Variants in RAB11FIP4 observed in about 807,000 individuals in gnomAD.
The protein encoded by RAB11FIP4 is rab11 family-interacting protein 4.
In RAB11FIP4, 23 loss-of-function variants were observed where a neutral mutation model predicts 74.3. The ratio of observed to expected loss-of-function variants is 0.31; its 90% confidence interval spans 0.22 to 0.44. The LOEUF (loss-of-function observed/expected upper bound fraction) is 0.44, where lower values mean the gene tolerates loss of function less well. Among genes scored for constraint, RAB11FIP4 ranks in the 20% least tolerant of loss-of-function variants. The pLI is 1.00. For missense variants in RAB11FIP4, 630 were observed against 863.9 expected (o/e 0.73, Z 3.39); for synonymous variants, 360 against 359.9 (o/e 1.00, Z 0.00).
At chr17:31,517,192 G>A (rs1431091680) in intron 3 of RAB11FIP4, among the ~76,000 whole-genome samples, 1 of 27,420 alleles carries the variant, frequency 3.6e-5, no homozygotes, top group Non-Finnish European at 6.4e-5. Context: ...GAGGCGGTGC[G>A]GGGGGGGGGG....
chr17:31,482,911 C>G (rs1335097780), intron 3 of RAB11FIP4, among the ~76,000 whole-genome samples: 1 of 151,880 alleles, frequency 6.6e-6, no homozygotes, highest in African/African-American at 2.4e-5. Context: ...ATAATGTCCT[C>G]TGGCCGGGGG....
At chr17:31,483,283 G>A (rs1323219870) in intron 3 of RAB11FIP4, among the ~76,000 whole-genome samples, 7 of 151,146 alleles carry the variant, frequency 4.6e-5, no homozygotes, top group African/African-American at 7.3e-5. Flanking sequence ...GATGGACCAG[G>A]TTTGACTGAT....
chr17:31,498,333 G>C (rs944927832), intron 3 of RAB11FIP4, among the ~76,000 whole-genome samples: 1 of 152,222 alleles, frequency 6.6e-6, no homozygotes, highest in South Asian at 2.1e-4. Context: ...GGAACACGAA[G>C]CTTGGGTAGC....
chr17:31,435,854 G>A (rs1376951033), intron 3 of RAB11FIP4, among the ~76,000 whole-genome samples: 2 of 152,254 alleles, frequency 1.3e-5, no homozygotes, highest in Non-Finnish European at 2.9e-5. Context: ...GCCTCAGGCT[G>A]CTGTGCTCAA....
In RAB11FIP4 at chr17:31,459,361, G is replaced by A. The variant is rs115482510; in HGVS notation, c.336+25239G>A. On this transcript the variant is annotated intron_variant, in intron 3 of 14. Transcript: ENST00000621161. The stretch of plus-strand genomic sequence containing the variant: ...TATCACTTATTCTCATTTATAAAAT[G>A]GGGGTAAAATGCCCATCAGGTTGTA... Among the ~76,000 whole-genome samples the A allele has an allele frequency of 6.7e-3, 1,018 of 152,158 alleles. 12 individuals carry two copies. The highest frequency in any genetic ancestry group is 0.023 in the African/African-American group (937 of 41,486).
chr17:31,529,616 G>C (rs890887454), intron 13 of RAB11FIP4, among the ~76,000 whole-genome samples: 5 of 152,206 alleles, frequency 3.3e-5, no homozygotes, highest in African/African-American at 1.2e-4. Flanking sequence ...ACCTTTGGGT[G>C]GGGGAGTGGA....
intron 3 of RAB11FIP4, among the ~76,000 whole-genome samples, chr17:31,444,351 C>CG: frequency 6.7e-6 from 1 of 150,238 alleles, no homozygotes; most frequent in African/African-American, 2.5e-5. Flanking sequence ...GTTTCAACAC[C>CG]CCCCCCACCC....
At chr17:31,484,406 C>T (rs998953503) in intron 3 of RAB11FIP4, among the ~76,000 whole-genome samples, 1 of 151,748 alleles carries the variant, frequency 6.6e-6, no homozygotes, top group Non-Finnish European at 1.5e-5. Context: ...AGGAACCTCA[C>T]AGGTAATGCT....
intron 3 of RAB11FIP4, among the ~76,000 whole-genome samples, chr17:31,479,029 G>A (rs1339040540): frequency 6.6e-6 from 1 of 152,160 alleles, no homozygotes; most frequent in Non-Finnish European, 1.5e-5. Context: ...CCTGAACGTG[G>A]GCCAGATCTG....
chr17:31,432,046 T>C (rs375568650), intron 2 of RAB11FIP4, 146 bp downstream of exon 2: 38 of 630,776 alleles, frequency 6.0e-5, no homozygotes, highest in East Asian at 2.6e-4. Flanking sequence ...GCCTCTGGCT[T>C]CCGGGGGGGC....
At chr17:31,493,164 G>T (rs778311183) in intron 3 of RAB11FIP4, among the ~76,000 whole-genome samples, 11 of 152,140 alleles carry the variant, frequency 7.2e-5, no homozygotes, top group Non-Finnish European at 1.3e-4. Flanking sequence ...TCCAACTGTT[G>T]GTCACATTTT....
At chr17:31,441,301 C>T (rs1382466734) in intron 3 of RAB11FIP4, among the ~76,000 whole-genome samples, 1 of 151,844 alleles carries the variant, frequency 6.6e-6, no homozygotes, top group Non-Finnish European at 1.5e-5. Context: ...GCTGGGATTA[C>T]AGGTGTGAGC....
intron 4 of RAB11FIP4, among the ~76,000 whole-genome samples, chr17:31,518,946 C>CCT (rs2072612163): frequency 6.6e-6 from 1 of 151,718 alleles, no homozygotes; most frequent in South Asian, 2.1e-4. Context: ...GATTCTCCTG[C>CCT]CTCAGCCTCC....
intron 2 of RAB11FIP4, 46 bp downstream of exon 2, chr17:31,431,946 C>T: frequency 7.1e-7 from 1 of 1,415,492 alleles, no homozygotes; most frequent in Non-Finnish European, 9.9e-7. Flanking sequence ...CCGGTCCTGC[C>T]CAGCTGGGGA....
At chr17:31,488,294 G>A (rs2071939768) in intron 3 of RAB11FIP4, 73 of 1,174,220 alleles carry the variant, frequency 6.2e-5, no homozygotes, top group Non-Finnish European at 7.6e-5. Flanking sequence ...CCCCGGGGCT[G>A]GCGCTCGCAG....
In RAB11FIP4 at chr17:31,464,554, C is replaced by T. The variant is rs556221788; in HGVS notation, c.336+30432C>T. On this transcript the variant is annotated intron_variant, in intron 3 of 14. Coordinates refer to ENST00000621161, the MANE Select transcript of RAB11FIP4 (RefSeq NM_032932.6). ...GCAACCTCCACCTCCCAGGTTCAAGCGATTCTCCTGCCTCAGCCTCCCAAG... is the reference window on the plus strand; with the variant it reads ...GCAACCTCCACCTCCCAGGTTCAAGTGATTCTCCTGCCTCAGCCTCCCAAG... Among the ~76,000 whole-genome samples, 56 of 152,062 alleles carry T rather than the reference C, an allele frequency of 3.7e-4. No individual in the cohort carries two copies. The South Asian group carries it at 8.5e-3, about 23-fold the overall frequency.
intron 11 of RAB11FIP4, 129 bp from the exon 12 acceptor site, chr17:31,528,277 G>A (rs1328760358): frequency 2.3e-5 from 25 of 1,076,786 alleles, no homozygotes; most frequent in Non-Finnish European, 3.0e-5. Flanking sequence ...TCAGGGCTCC[G>A]TCTAAGGGAG....
chr17:31,442,477 A>G (rs1404148454), intron 3 of RAB11FIP4, among the ~76,000 whole-genome samples: 2 of 152,214 alleles, frequency 1.3e-5, no homozygotes, highest in Non-Finnish European at 2.9e-5. Context: ...ATAAAGTTTT[A>G]CTGGAACACA....
intron 3 of RAB11FIP4, among the ~76,000 whole-genome samples, chr17:31,508,601 G>A (rs1273642495): frequency 1.3e-5 from 2 of 152,234 alleles, no homozygotes; most frequent in Non-Finnish European, 2.9e-5. Context: ...GTGCCTGGGT[G>A]CACGCGGCCC....
Sources: gnomAD v4.1 joint callset for allele counts (sites outside exome capture counted in the v4.1 genomes callset) on GRCh38, gnomAD v4.1.1 for gene constraint, MANE v1.5 for transcripts, NCBI Gene and HGNC (gene_info 2026-07-23, HGNC 2026-07-21) for gene names.